HS6ST3: variants seen among roughly 807,000 people sequenced by gnomAD.
The protein encoded by HS6ST3 is heparan sulfate 6-O-sulfotransferase 3, also known as heparan-sulfate 6-O-sulfotransferase 3.
HS6ST3 carries 12 observed loss-of-function variants against 36.7 expected under a neutral mutation model. That is an observed-to-expected ratio of 0.33 (90% CI 0.21 to 0.53). The LOEUF is 0.53. Among genes scored for constraint, HS6ST3 ranks in the 20% least tolerant of loss-of-function variants. The pLI is 0.95. For missense variants in HS6ST3, 584 were observed against 640.9 expected, an observed-to-expected ratio of 0.91 and a Z score of 0.96; for synonymous variants, 240 against 257.5, an observed-to-expected ratio of 0.93 and a Z score of 0.65.
At chr13:96,155,343 CA>C (rs11377209) in intron 1 of HS6ST3, among the ~76,000 whole-genome samples, 1 of 151,822 alleles carries the variant, frequency 6.6e-6, no homozygotes. Flanking sequence ...AATAAAATAA[CA>C]AAAAAAACAG....
chr13:96,255,954 C>A (rs1403895991), intron 1 of HS6ST3, among the ~76,000 whole-genome samples: 1 of 152,188 alleles, frequency 6.6e-6, no homozygotes, highest in African/African-American at 2.4e-5. Context: ...CAAATAAACT[C>A]ACCATTAACC....
At chr13:96,333,565 T>A (rs2055084011) in intron 1 of HS6ST3, among the ~76,000 whole-genome samples, 1 of 152,172 alleles carries the variant, frequency 6.6e-6, no homozygotes, top group African/African-American at 2.4e-5. Context: ...TTTACCCAGC[T>A]GCTGACAAGC....
chr13:96,648,613 G>T (rs2056597168), intron 1 of HS6ST3, among the ~76,000 whole-genome samples: 1 of 151,720 alleles, frequency 6.6e-6, no homozygotes, highest in Non-Finnish European at 1.5e-5. Context: ...ATTAAGCACT[G>T]CATGCATTAG....
At chr13:96,480,422 A>G (rs140156633) in intron 1 of HS6ST3, among the ~76,000 whole-genome samples, 217 of 152,212 alleles carry the variant, frequency 1.4e-3, no homozygotes, top group Middle Eastern at 3.4e-3. Context: ...CCTCCACTTT[A>G]AAAATTTAAG....
chr13:96,254,317 G>A (rs559371395), intron 1 of HS6ST3, among the ~76,000 whole-genome samples: 1 of 148,142 alleles, frequency 6.8e-6, no homozygotes, highest in Admixed American at 6.8e-5. Flanking sequence ...AGGAGGCTGA[G>A]GCAGGAGAAT....
At chr13:96,712,009 C>T (rs775353133) in intron 1 of HS6ST3, among the ~76,000 whole-genome samples, 5 of 152,134 alleles carry the variant, frequency 3.3e-5, no homozygotes, top group Admixed American at 6.5e-5. Flanking sequence ...TTCTCTGCCC[C>T]AGTGGAATAT....
chr13:96,304,701 T>TTCTG (rs1254922908), intron 1 of HS6ST3, among the ~76,000 whole-genome samples: 1 of 101,068 alleles, frequency 9.9e-6, no homozygotes, highest in Non-Finnish European at 1.9e-5. Context: ...CTTTCTTTCT[T>TTCTG]TCTTTCTTTC....
At chr13:96,451,361 C>T (rs1055562611) in intron 1 of HS6ST3, among the ~76,000 whole-genome samples, 5 of 152,122 alleles carry the variant, frequency 3.3e-5, no homozygotes, top group Admixed American at 6.5e-5. Context: ...GTTTCAGTTT[C>T]GCTGTAGTCT....
intron 1 of HS6ST3, among the ~76,000 whole-genome samples, chr13:96,428,269 AC>A (rs1278146864): frequency 6.6e-6 from 1 of 152,180 alleles, no homozygotes; most frequent in Non-Finnish European, 1.5e-5. Flanking sequence ...GAATCGCTTG[AC>A]AGGGAGTCGG....
chr13:96,158,522 A>G (rs1452741704), intron 1 of HS6ST3, among the ~76,000 whole-genome samples: 1 of 151,850 alleles, frequency 6.6e-6, no homozygotes, highest in Admixed American at 6.6e-5. Context: ...GCATGGTGGT[A>G]CATGCCTGTA....
intron 1 of HS6ST3, among the ~76,000 whole-genome samples, chr13:96,183,861 A>G (rs183631980): frequency 1.2e-3 from 184 of 152,288 alleles, no homozygotes; most frequent in African/African-American, 4.0e-3. Context: ...TGATGGATAC[A>G]TAACAATGCA....
intron 1 of HS6ST3, among the ~76,000 whole-genome samples, chr13:96,223,653 T>TG (rs5805956): frequency 0.044 from 6,450 of 147,626 alleles, 182 homozygotes; most frequent in Non-Finnish European, 0.059. Context: ...GGAATGGATA[T>TG]GGGGGGGGGG....
intron 1 of HS6ST3, among the ~76,000 whole-genome samples, chr13:96,191,359 A>G (rs1341372127): frequency 6.6e-6 from 1 of 152,174 alleles, no homozygotes; most frequent in East Asian, 1.9e-4. Context: ...TTTGCTGCGT[A>G]TACACACAAG....
intron 1 of HS6ST3, among the ~76,000 whole-genome samples, chr13:96,558,048 T>C (rs1341654025): frequency 1.3e-5 from 2 of 152,228 alleles, no homozygotes; most frequent in Non-Finnish European, 2.9e-5. Flanking sequence ...TAAGTGTGTA[T>C]GTGTAATTAT....
At chr13:96,743,790 G>A (rs902282726) in intron 1 of HS6ST3, among the ~76,000 whole-genome samples, 11 of 152,132 alleles carry the variant, frequency 7.2e-5, no homozygotes, top group African/African-American at 2.6e-4. Flanking sequence ...TATCAATCTG[G>A]TGCTTGAAGA....
At chr13:96,735,855 G>C (rs1487252171) in intron 1 of HS6ST3, among the ~76,000 whole-genome samples, 1 of 152,130 alleles carries the variant, frequency 6.6e-6, no homozygotes, top group South Asian at 2.1e-4. Context: ...AAACCAAGTG[G>C]TATGTATACA....
intron 1 of HS6ST3, among the ~76,000 whole-genome samples, chr13:96,814,678 T>C (rs1878383947): frequency 6.6e-6 from 1 of 152,172 alleles, no homozygotes; most frequent in Non-Finnish European, 1.5e-5. Context: ...CCTTGTCTCT[T>C]ACATTAATTT....
intron 1 of HS6ST3, among the ~76,000 whole-genome samples, chr13:96,819,918 A>T (rs1472173887): frequency 6.6e-6 from 1 of 151,834 alleles, no homozygotes; most frequent in African/African-American, 2.4e-5. Context: ...TCTACTAAAA[A>T]TACAAAAATT....
chr13:96,362,033 C>T (rs547510067), intron 1 of HS6ST3, among the ~76,000 whole-genome samples: 1 of 152,268 alleles, frequency 6.6e-6, no homozygotes, highest in East Asian at 1.9e-4. Flanking sequence ...GATCCTGATG[C>T]AGCTCAAGTT....
Sources: gnomAD v4.1 joint callset for allele counts (sites outside exome capture counted in the v4.1 genomes callset) on GRCh38, gnomAD v4.1.1 for gene constraint, MANE v1.5 for transcripts, NCBI Gene and HGNC (gene_info 2026-07-23, HGNC 2026-07-21) for gene names.